MSTO1: variants seen among roughly 807,000 people sequenced by gnomAD.
MSTO1 encodes protein misato homolog 1.
A neutral mutation model predicts 55.7 loss-of-function variants in MSTO1; 24 were observed. That is an observed-to-expected ratio of 0.43 (90% confidence interval 0.31 to 0.61). MSTO1 has a LOEUF of 0.61. Ranked by LOEUF, MSTO1 falls within the 20% of genes least tolerant of loss-of-function variation. The pLI is 0.09. For missense variants in MSTO1, 363 were observed against 625.7 expected (o/e 0.58, Z 4.48); for synonymous variants, 162 against 252.8 (o/e 0.64, Z 3.41).
chr1:155,579,764 G>A, the MSTO1 span, among the ~76,000 whole-genome samples: 3 of 152,104 alleles, frequency 2.0e-5, no homozygotes, highest in South Asian at 6.2e-4. Context: ...AGTTCTGAAC[G>A]AGTTCAATCC....
the MSTO1 span, among the ~76,000 whole-genome samples, chr1:155,566,947 GCCTAGGCTGCAGACTAGCT>G: frequency 1.3e-5 from 2 of 151,938 alleles, no homozygotes; most frequent in Non-Finnish European, 2.9e-5. Context: ...TTACTATGTT[GCCTAGGCTGCAGACTAGCT>G]CCCATGCTCA....
upstream of MSTO1, chr1:155,609,880 C>T (rs116920315): frequency 1.6e-3 from 377 of 233,200 alleles, 2 homozygotes; most frequent in East Asian, 0.02. Context: ...GAGCTATCAG[C>T]CAGCGGAGAG....
chr1:155,573,962 C>G, the MSTO1 span, among the ~76,000 whole-genome samples: 2 of 151,848 alleles, frequency 1.3e-5, no homozygotes, highest in African/African-American at 4.8e-5. Context: ...AAATTTATAC[C>G]TTTTGCAAAA....
the MSTO1 span, among the ~76,000 whole-genome samples, chr1:155,576,981 C>T: frequency 8.7e-6 from 1 of 115,414 alleles, no homozygotes; most frequent in African/African-American, 3.4e-5. Context: ...TGCCATTGCA[C>T]TCCAGCCTGG....
chr1:155,563,344 C>T, the MSTO1 span: 2 of 455,834 alleles, frequency 4.4e-6, no homozygotes, highest in East Asian at 6.9e-5. Context: ...GGGAATGGAC[C>T]GACACGGGTA....
At chr1:155,591,800 A>G in the MSTO1 span, among the ~76,000 whole-genome samples, 1 of 152,100 alleles carries the variant, frequency 6.6e-6, no homozygotes, top group African/African-American at 2.4e-5. Context: ...CAAAAAAAAA[A>G]AAAGATTCCA....
At chr1:155,584,691 A>AAAAAAAAAAAAAAAAAAAAAAAAAAAAG in the MSTO1 span, among the ~76,000 whole-genome samples, 1 of 75,570 alleles carries the variant, frequency 1.3e-5, no homozygotes, top group African/African-American at 4.9e-5. Context: ...AAAAAAAAAA[A>AAAAAAAAAAAAAAAAAAAAAAAAAAAAG]AAAGAAAGAA....
At chr1:155,586,595 A>G in the MSTO1 span, 3 of 439,302 alleles carry the variant, frequency 6.8e-6, no homozygotes, top group East Asian at 1.2e-4. Context: ...TCAGTTTCCC[A>G]TGTTGCAAAT....
the MSTO1 span, chr1:155,591,341 C>T: frequency 1.4e-5 from 16 of 1,103,598 alleles, no homozygotes; most frequent in African/African-American, 3.1e-5. Flanking sequence ...TTAACCATCA[C>T]GGTGATCTTC....
chr1:155,603,920 A>C, the MSTO1 span, among the ~76,000 whole-genome samples: 1 of 152,194 alleles, frequency 6.6e-6, no homozygotes, highest in African/African-American at 2.4e-5. Context: ...GTTCTTTTAC[A>C]TTCACATAAT....
the MSTO1 span, among the ~76,000 whole-genome samples, chr1:155,576,198 A>G: frequency 4.5e-4 from 69 of 152,204 alleles, no homozygotes; most frequent in African/African-American, 1.5e-3. Flanking sequence ...GTTAAGTTCT[A>G]TGTGATTTGC....
chr1:155,581,619 C>A, the MSTO1 span, among the ~76,000 whole-genome samples: 1 of 152,044 alleles, frequency 6.6e-6, no homozygotes, highest in Non-Finnish European at 1.5e-5. Flanking sequence ...GCCATGTTGA[C>A]CAGTACTCCT....
At chr1:155,609,884 C>A (rs1673443109), upstream of MSTO1, 4 of 238,138 alleles carry the variant, frequency 1.7e-5, no homozygotes, top group South Asian at 2.1e-4. Flanking sequence ...TATCAGCCAG[C>A]GGAGAGATCT....
the MSTO1 span, among the ~76,000 whole-genome samples, chr1:155,569,377 C>T: frequency 3.4e-5 from 5 of 148,164 alleles, no homozygotes; most frequent in South Asian, 8.5e-4. Flanking sequence ...CCTCATGATC[C>T]GCCCATCTCG....
chr1:155,565,067 G>C, the MSTO1 span, among the ~76,000 whole-genome samples: 1 of 152,158 alleles, frequency 6.6e-6, no homozygotes, highest in African/African-American at 2.4e-5. Context: ...ATTTCAGTGA[G>C]TGGAGATTGC....
At chr1:155,604,013 TA>T in the MSTO1 span, among the ~76,000 whole-genome samples, 1 of 152,206 alleles carries the variant, frequency 6.6e-6, no homozygotes, top group Non-Finnish European at 1.5e-5. Flanking sequence ...TTTAGTTGCC[TA>T]AAGCTGAACT....
At chr1:155,595,388 C>T in the MSTO1 span, among the ~76,000 whole-genome samples, 1 of 151,924 alleles carries the variant, frequency 6.6e-6, no homozygotes, top group African/African-American at 2.4e-5. Flanking sequence ...CTGCGCTAGC[C>T]AGGATTGTCT....
the MSTO1 span, among the ~76,000 whole-genome samples, chr1:155,573,027 C>T: frequency 3.3e-5 from 5 of 152,086 alleles, no homozygotes; most frequent in African/African-American, 1.2e-4. Context: ...TTGATAATCT[C>T]GCACAGTGGC....
In MSTO1 at chr1:155,610,537, G is replaced by C. The variant is rs1206610171; in HGVS notation, c.197G>C (p.Arg66Pro). ...CACGGCCAGGAGACCTACACGCCGCGACTCATCCTCATGGATCTGAAGGGT... is the reference window on the plus strand; with the variant it reads ...CACGGCCAGGAGACCTACACGCCGCCACTCATCCTCATGGATCTGAAGGGT... ...TLHGQETYTPRLILMDLKGSL... is the reference protein window; with the variant it reads ...TLHGQETYTPPLILMDLKGSL... The change falls in exon 2 of 14, where the codon CGA becomes CCA. Residue 66 changes from arginine (R) to proline (P), a missense_variant. Transcript: ENST00000245564. The C allele has an allele frequency of 2.0e-6, 2 of 989,056 alleles. No homozygotes were observed. Among genetic ancestry groups the C allele is most frequent in the Non-Finnish European group, 2.9e-6 (2 of 685,924 alleles). The allele number at this position is 989,056 out of a possible 1,614,324, so 61.3% of individuals were successfully genotyped here. A position where few individuals can be genotyped will look rare whatever the true frequency, so the allele number is the denominator to read the frequency against.
Sources: gnomAD v4.1 joint callset for allele counts (sites outside exome capture counted in the v4.1 genomes callset) on GRCh38, gnomAD v4.1.1 for gene constraint, MANE v1.5 for transcripts, NCBI Gene and HGNC (gene_info 2026-07-23, HGNC 2026-07-21) for gene names.